Variants in TNFRSF10D observed in about 807,000 individuals in gnomAD.
TNFRSF10D encodes the protein TNF receptor superfamily member 10d, also known as tumor necrosis factor receptor superfamily member 10D.
Under a neutral mutation model 42.1 loss-of-function variants are expected in TNFRSF10D, and 28 were observed. The observed-to-expected ratio is 0.66, with a 90% CI of 0.49 to 0.91. TNFRSF10D has a LOEUF of 0.91. Ranked by LOEUF, TNFRSF10D falls within the 40% of genes least tolerant of loss-of-function variation. TNFRSF10D has a pLI of 0.00. For missense variants in TNFRSF10D, 503 were observed against 486.1 expected (o/e 1.03, Z -0.33); for synonymous variants, 186 against 189.4 (o/e 0.98, Z 0.15).
intron 7 of TNFRSF10D, among the ~76,000 whole-genome samples, chr8:23,142,270 C>CAA (rs34116006): frequency 2.2e-4 from 32 of 143,552 alleles, no homozygotes; most frequent in South Asian, 1.3e-3. Context: ...GACTCCCTCT[C>CAA]AAAAAAAAAA....
In TNFRSF10D at chr8:23,162,224, GCCT is replaced by G. The variant is rs558309856; in HGVS notation, c.150+1559_150+1561del. Among the ~76,000 whole-genome samples the G allele has an allele frequency of 2.3e-4, 35 of 152,346 alleles. No homozygotes were observed. The East Asian group carries it at 6.6e-3, about 29-fold the overall frequency. ...AGGCAAGATTGATGGAGGGATCAAAGCCTCCTTTGGGACGCATAGAGTTCACAT... is the reference window on the plus strand; with the variant it reads ...AGGCAAGATTGATGGAGGGATCAAAGCCTTTGGGACGCATAGAGTTCACAT... On this transcript the variant is annotated intron_variant, in intron 1 of 8. Transcript: ENST00000312584.
chr8:23,141,730 T>C (rs6993553), intron 7 of TNFRSF10D, among the ~76,000 whole-genome samples: 1 of 152,124 alleles, frequency 6.6e-6, no homozygotes, highest in African/African-American at 2.4e-5. Context: ...CTCATCATCA[T>C]GAATCATCAG....
At position 23,136,198 on chromosome 8, in the gene TNFRSF10D, T is replaced by G. The variant is rs1457449918; in HGVS notation, c.*1672A>C. On this transcript the variant is annotated 3_prime_UTR_variant, in exon 9 of 9. Transcript: ENST00000312584. ...TGGGCTACTGTGGAGAAGAGTTTGCTGGAAAGAAGCTAAAACGATTACTGA... is the reference window on the plus strand; with the variant it reads ...TGGGCTACTGTGGAGAAGAGTTTGCGGGAAAGAAGCTAAAACGATTACTGA... 7 of 241,808 alleles carry G rather than the reference T, an allele frequency of 2.9e-5. No individual in the cohort carries two copies. Among genetic ancestry groups the G allele is most frequent in the African/African-American group, 1.6e-4 (7 of 43,768 alleles). The allele number at this position is 241,808 out of a possible 1,614,324, so 15.0% of individuals were successfully genotyped here.
intron 7 of TNFRSF10D, among the ~76,000 whole-genome samples, chr8:23,140,875 T>C (rs1035850728): frequency 2.0e-5 from 3 of 152,184 alleles, no homozygotes; most frequent in Admixed American, 2.0e-4. Flanking sequence ...CTTTATAAAT[T>C]ACCCAGTCTC....
At chr8:23,158,580 A>G (rs1800313136) in intron 1 of TNFRSF10D, among the ~76,000 whole-genome samples, 1 of 152,224 alleles carries the variant, frequency 6.6e-6, no homozygotes. Context: ...GTTAGTCAAA[A>G]TAGACCTATA....
intron 1 of TNFRSF10D, among the ~76,000 whole-genome samples, chr8:23,158,873 C>T (rs190797667): frequency 6.2e-3 from 942 of 152,126 alleles, no homozygotes; most frequent in African/African-American, 0.019. Context: ...TTGAGATGTA[C>T]GTATACACTG....
chr8:23,145,518 G>GGGTCCT lies in TNFRSF10D; in HGVS notation c.736+149_736+150insAGGACC, dbSNP rs1800105657. 2.5e-6 allele frequency: 3 copies of GGGTCCT among 1,199,528 alleles called. No individual in the cohort carries two copies. The African/African-American group carries it at 4.5e-5, about 18-fold the overall frequency. The allele number at this position is 1,199,528 out of a possible 1,614,324, so 74.3% of individuals were successfully genotyped here. A position where few individuals can be genotyped will look rare whatever the true frequency, so the allele number is the denominator to read the frequency against. ...CAGGGTCCTTGGGGATACACAGGAC[G>GGGTCCT]TGGGGATGGGGCGATCACAAGAAGG... On this transcript the variant is annotated intron_variant, in intron 5 of 8. Transcript: ENST00000312584.
At chr8:23,139,785 T>G (rs1814411879) in intron 7 of TNFRSF10D, among the ~76,000 whole-genome samples, 1 of 152,066 alleles carries the variant, frequency 6.6e-6, no homozygotes, top group South Asian at 2.1e-4. Flanking sequence ...CCCTAAATAC[T>G]CCACCAAAAG....
chr8:23,145,658 C>T lies in TNFRSF10D; in HGVS notation c.736+10G>A, dbSNP rs1201514000. On this transcript the variant is annotated intron_variant, in intron 5 of 8. Coordinates refer to ENST00000312584, the MANE Select transcript of TNFRSF10D (RefSeq NM_003840.5). ...AGTGCCCAGCGCTCCCACCCTCAGC[C>T]AGCACCTACCTGAGCAGATGCCTTT... 1 of 1,613,838 alleles carries T rather than the reference C, an allele frequency of 6.2e-7. No individual in the cohort carries two copies. The highest frequency in any genetic ancestry group is 1.7e-5 in the Admixed American group (1 of 60,030).
rs560938180 is a variant in TNFRSF10D, at chr8:23,145,069, G to T, written c.757C>A (p.Arg253Ser). The T allele has an allele frequency of 1.2e-6, 2 of 1,613,956 alleles. No homozygotes were observed. The highest frequency in any genetic ancestry group is 2.7e-5 in the African/African-American group (2 of 74,912). Residue 253 changes from arginine to serine, a missense_variant, in exon 6 of 9, where the codon CGT (arginine) becomes AGT (serine). Transcript: ENST00000312584. ...ICSGGGGGPE[R>S]VHRVLFRRRS... ...AGAAACCAACTCACTCTGTGCACACGTTCGGGACCTCCTCCACCACCTGGA... is the reference window on the plus strand; with the variant it reads ...AGAAACCAACTCACTCTGTGCACACTTTCGGGACCTCCTCCACCACCTGGA...
chr8:23,145,565 C>G, intron 5 of TNFRSF10D, 103 bp downstream of exon 5: 2 of 1,552,264 alleles, frequency 1.3e-6, no homozygotes, highest in Non-Finnish European at 1.7e-6. Flanking sequence ...AGGCTGGAGA[C>G]GCTTGGACCA....
chr8:23,138,562 GCC>G (rs1814384339), intron 7 of TNFRSF10D, among the ~76,000 whole-genome samples: 1 of 152,064 alleles, frequency 6.6e-6, no homozygotes, highest in Admixed American at 6.5e-5. Context: ...GTCCCCTTCT[GCC>G]CCATCTAATC....
chr8:23,144,882 C>T (rs899075220), intron 6 of TNFRSF10D, among the ~76,000 whole-genome samples, 176 bp downstream of exon 6: 1 of 152,178 alleles, frequency 6.6e-6, no homozygotes, highest in South Asian at 2.1e-4. Flanking sequence ...GCCTGCTGGT[C>T]TGTGTGCTGC....
At chr8:23,154,262 T>C (rs1345946794) in intron 2 of TNFRSF10D, among the ~76,000 whole-genome samples, 1 of 152,180 alleles carries the variant, frequency 6.6e-6, no homozygotes, top group Non-Finnish European at 1.5e-5. Context: ...AAATTTCAGT[T>C]AGACAGGGGG....
Position 23,138,191 on chromosome 8 carries a change from C to T in TNFRSF10D, c.1024G>A (p.Asp342Asn), listed in dbSNP as rs1814375104. ...TCTCAAGGCACAAAACACTTACTGT[C>T]AGCGGAGTCAGCGTCATTCACTGGA... ...LVPVNDADSA[D>N]ISTLLDASAT... The change falls in exon 8 of 9, where the codon GAC (aspartate) becomes AAC (asparagine). Residue 342 changes from aspartate to asparagine, a missense_variant. Physicochemically the swap from Asp to Asn is conservative, Grantham distance 23. Coordinates refer to ENST00000312584, the MANE Select transcript of TNFRSF10D (RefSeq NM_003840.5). 1.9e-6 allele frequency: 3 copies of T among 1,614,208 alleles called. No homozygotes were observed. The highest frequency in any genetic ancestry group is 2.7e-5 in the African/African-American group (2 of 75,052).
intron 7 of TNFRSF10D, 114 bp from the exon 8 acceptor site, chr8:23,138,374 T>C: frequency 2.8e-6 from 3 of 1,082,898 alleles, no homozygotes; most frequent in South Asian, 1.3e-5. Flanking sequence ...TGGGTCTCCA[T>C]GGAGATGGAG....
intron 1 of TNFRSF10D, among the ~76,000 whole-genome samples, chr8:23,159,179 C>T (rs1034488914): frequency 5.9e-3 from 892 of 151,886 alleles, no homozygotes; most frequent in African/African-American, 0.018. Flanking sequence ...TTTCCCAGGC[C>T]GGTCTTGAAC....
chr8:23,148,598 C>T, intron 2 of TNFRSF10D, 47 bp from the exon 3 acceptor site: 1 of 1,434,362 alleles, frequency 7.0e-7, no homozygotes, highest in Non-Finnish European at 9.7e-7. Flanking sequence ...ACAGAATTCC[C>T]AGAGGCTGAC....
At chr8:23,157,681 C>T (rs140777903) in intron 1 of TNFRSF10D, among the ~76,000 whole-genome samples, 928 of 152,194 alleles carry the variant, frequency 6.1e-3, no homozygotes, top group African/African-American at 0.019. Context: ...ATCATGTGTT[C>T]TGCAGCTGTA....
Sources: allele counts gnomAD v4.1 joint callset (sites outside exome capture counted in the v4.1 genomes callset), GRCh38; gene constraint gnomAD v4.1.1; transcripts MANE v1.5; gene names NCBI Gene and HGNC (gene_info 2026-07-23, HGNC 2026-07-21).